CNIH1: variants seen among roughly 807,000 people sequenced by gnomAD.
The protein encoded by CNIH1 is cornichon family member 1.
In CNIH1, 12 loss-of-function variants were observed where a neutral mutation model predicts 20.2. The ratio of observed to expected loss-of-function variants is 0.59; its 90% CI spans 0.38 to 0.96. The LOEUF is 0.96. Among genes scored for constraint, CNIH1 ranks in the 40% least tolerant of loss-of-function variants. The pLI is 0.00. For synonymous variants in CNIH1, 69 were observed against 63.3 expected, an observed-to-expected ratio of 1.09 and a Z score of -0.43; for missense variants, 152 against 178.8, an observed-to-expected ratio of 0.85 and a Z score of 0.85.
intron 2 of CNIH1, 102 bp from the exon 3 acceptor site, chr14:54,432,322 T>C: frequency 1.8e-6 from 1 of 542,530 alleles, no homozygotes; most frequent in East Asian, 3.3e-5. Context: ...GAAAAATCAC[T>C]GTTTTCTTAG....
chr14:54,437,152 A>G (rs758554179), intron 1 of CNIH1, among the ~76,000 whole-genome samples: 7 of 152,140 alleles, frequency 4.6e-5, no homozygotes, highest in Non-Finnish European at 7.4e-5. Flanking sequence ...GGTCACTAGA[A>G]TGTACATTAA....
At chr14:54,428,958 T>A (rs1219394195) in intron 4 of CNIH1, among the ~76,000 whole-genome samples, 1 of 152,196 alleles carries the variant, frequency 6.6e-6, no homozygotes, top group Non-Finnish European at 1.5e-5. Context: ...CTTAGCAAGT[T>A]TTCAAGTAAT....
rs768130926 is a variant in CNIH1 at position 54,427,846 on chromosome 14, AAAG to A, written c.408-8_408-6del. On this transcript the variant is annotated splice_polypyrimidine_tract_variant and splice_region_variant and intron_variant, in intron 4 of 4. Transcript: ENST00000216416. ...CTCACCAAAACATAGATCATGCTGA[AAAG>A]AAGAAAAAAGATGTTAATTTGAACA... 4 of 1,612,910 alleles carry A rather than the reference AAAG, an allele frequency of 2.5e-6. No individual in the cohort carries two copies. Among genetic ancestry groups the A allele is most frequent in the Admixed American group, 3.3e-5 (2 of 59,996 alleles).
At chr14:54,440,955 GCGCGGAACCGCGGGCGCC>G (rs1458548346) in intron 1 of CNIH1, among the ~76,000 whole-genome samples, 1 of 151,606 alleles carries the variant, frequency 6.6e-6, no homozygotes, top group Non-Finnish European at 1.5e-5. Context: ...TGCGAACGCA[GCGCGGAACCGCGGGCGCC>G]CGCCTGGACC....
chr14:54,436,882 G>A (rs1216112167), intron 1 of CNIH1: 5 of 395,906 alleles, frequency 1.3e-5, no homozygotes, highest in Non-Finnish European at 2.4e-5. Context: ...ACACAGCATG[G>A]GACTCTATAA....
chr14:54,439,355 A>C (rs949256293), intron 1 of CNIH1, among the ~76,000 whole-genome samples: 1 of 152,128 alleles, frequency 6.6e-6, no homozygotes, highest in Non-Finnish European at 1.5e-5. Context: ...GTTTAAGCTG[A>C]AATTACCCAT....
chr14:54,436,776 C>T (rs2140005784), intron 1 of CNIH1: 5 of 456,228 alleles, frequency 1.1e-5, no homozygotes, highest in South Asian at 8.3e-5. Flanking sequence ...TATCCAAATT[C>T]CTCTTTATCC....
At chr14:54,431,237 T>A (rs2140001463) in intron 3 of CNIH1, among the ~76,000 whole-genome samples, 1 of 152,150 alleles carries the variant, frequency 6.6e-6, no homozygotes, top group South Asian at 2.1e-4. Context: ...GAAGCAATTC[T>A]CTGCCTCAGC....
At position 54,424,797 on chromosome 14, in the gene CNIH1, C is replaced by A. The variant is rs754332713; in HGVS notation, c.*3017G>T. On this transcript the variant is annotated 3_prime_UTR_variant, in exon 5 of 5. Coordinates refer to ENST00000216416, the MANE Select transcript of CNIH1 (RefSeq NM_005776.3). The stretch of plus-strand genomic sequence containing the variant: ...CTGCAAACTGCTGTGTACTTTGTTG[C>A]CATGTGAGAGACCATTATCTGGGTA... The A allele has an allele frequency of 2.0e-5, 3 of 152,106 alleles. No individual in the cohort carries two copies. Among genetic ancestry groups the A allele is most frequent in the Non-Finnish European group, 4.4e-5 (3 of 68,012 alleles). 9.4% of individuals were successfully genotyped at this position (152,106 alleles called of 1,614,324 possible).
At chr14:54,427,943 A>G (rs2030859572) in intron 4 of CNIH1, 102 bp from the exon 5 acceptor site, 2 of 1,101,366 alleles carry the variant, frequency 1.8e-6, no homozygotes, top group Non-Finnish European at 2.7e-6. Flanking sequence ...AGTATCACAG[A>G]AAATGACAAG....
At chr14:54,436,581 A>C (rs1357337693) in intron 1 of CNIH1, 144 bp from the exon 2 acceptor site, 2 of 610,260 alleles carry the variant, frequency 3.3e-6, no homozygotes, top group Middle Eastern at 2.7e-4. Context: ...CAGTAAACTC[A>C]TATATGACAA....
chr14:54,438,807 GT>G (rs1013275883), intron 1 of CNIH1, among the ~76,000 whole-genome samples: 1 of 152,192 alleles, frequency 6.6e-6, no homozygotes, highest in Non-Finnish European at 1.5e-5. Flanking sequence ...CTAACGGGAG[GT>G]GTTTGGGTCA....
chr14:54,435,290 C>T, intron 2 of CNIH1, among the ~76,000 whole-genome samples: 1 of 152,124 alleles, frequency 6.6e-6, no homozygotes, highest in East Asian at 1.9e-4. Flanking sequence ...TGCCTGTAAT[C>T]CCAGCTACCC....
intron 2 of CNIH1, among the ~76,000 whole-genome samples, chr14:54,433,237 A>G (rs962664459): frequency 6.6e-6 from 1 of 152,226 alleles, no homozygotes; most frequent in Non-Finnish European, 1.5e-5. Context: ...TACCAAATGG[A>G]AATCATATGA....
intron 3 of CNIH1, 25 bp downstream of exon 3, chr14:54,432,082 AT>A (rs1349154347): frequency 2.4e-6 from 3 of 1,247,076 alleles, no homozygotes; most frequent in Admixed American, 3.1e-5. Flanking sequence ...ATTTAAAAAA[AT>A]ATTAAAAGTG....
Position 54,436,415 on chromosome 14 carries a change from T to C in CNIH1, c.104A>G (p.Lys35Arg). The C allele has an allele frequency of 6.3e-7, 1 of 1,575,548 alleles. No individual in the cohort carries two copies. Among genetic ancestry groups the C allele is most frequent in the Non-Finnish European group, 8.7e-7 (1 of 1,145,580 alleles). Residue 35 changes from lysine to arginine, a missense_variant, in exon 2 of 5, where the codon AAG becomes AGG. Lys to Arg is a conservative substitution (Grantham distance 26). Around this residue, in one of 3 missense-constraint regions of CNIH1, gnomAD observed 97 missense variants for 100.6 expected, o/e 0.96. Transcript: ENST00000216416. ...GTCTATAGGATTCTTGTAATCAGTC[T>C]TCAGCTCATCAAATGCTATAATCTA... Reference protein sequence around the residue: ...IWHIIAFDELKTDYKNPIDQC... With the variant: ...IWHIIAFDELRTDYKNPIDQC...
rs1241103030 is a variant in CNIH1 at position 54,424,701 on chromosome 14, C to T, written c.*3113G>A. The T allele has an allele frequency of 6.6e-6, 1 of 152,172 alleles. No homozygotes were observed. Among genetic ancestry groups the T allele is most frequent in the Non-Finnish European group, 1.5e-5 (1 of 68,028 alleles). 9.4% of individuals were successfully genotyped at this position (152,172 alleles called of 1,614,324 possible). ...TATTGATTTGGGGAGCAGAGAAGAGCTCTATGAGAACTGTTTGCAGGAGTG... is the reference window on the plus strand; with the variant it reads ...TATTGATTTGGGGAGCAGAGAAGAGTTCTATGAGAACTGTTTGCAGGAGTG... On this transcript the variant is annotated 3_prime_UTR_variant, in exon 5 of 5. Transcript: ENST00000216416.
intron 2 of CNIH1, among the ~76,000 whole-genome samples, chr14:54,434,676 G>C (rs2031020129): frequency 6.6e-6 from 1 of 152,118 alleles, no homozygotes; most frequent in African/African-American, 2.4e-5. Context: ...ATCATCATTT[G>C]GTTATTGAAG....
At chr14:54,437,018 A>G (rs1009161986) in intron 1 of CNIH1, among the ~76,000 whole-genome samples, 22 of 152,216 alleles carry the variant, frequency 1.4e-4, no homozygotes, top group African/African-American at 5.1e-4. Flanking sequence ...CCCTTGGCAC[A>G]GTGCTCAGTG....
Sources: allele counts gnomAD v4.1 joint callset (sites outside exome capture counted in the v4.1 genomes callset), GRCh38; gene constraint gnomAD v4.1.1; regional missense constraint gnomAD v4.1.1; transcripts MANE v1.5; gene names NCBI Gene and HGNC (gene_info 2026-07-23, HGNC 2026-07-21).